DNAH17: variants seen among roughly 807,000 people sequenced by gnomAD.
DNAH17 encodes the protein dynein axonemal heavy chain 17.
Under a neutral mutation model 485.6 loss-of-function variants are expected in DNAH17, and 376 were observed. The ratio of observed to expected loss-of-function variants is 0.77; its 90% CI spans 0.71 to 0.84. DNAH17 has a LOEUF of 0.84. Ranked by LOEUF, DNAH17 falls within the 40% of genes least tolerant of loss-of-function variation. DNAH17 has a pLI of 0.00. For synonymous variants in DNAH17, 3,031 were observed against 2,405.9 expected (o/e 1.26, Z -7.60); for missense variants, 6,370 against 5,839.3 (o/e 1.09, Z -2.96).
intron 25 of DNAH17, among the ~76,000 whole-genome samples, chr17:78,517,682 C>T (rs1006513371): frequency 2.6e-5 from 4 of 152,220 alleles, no homozygotes; most frequent in Non-Finnish European, 4.4e-5. Context: ...ATTCCCATTT[C>T]CTCAGGGCTG....
intron 74 of DNAH17, among the ~76,000 whole-genome samples, chr17:78,435,930 A>AT (rs1366178608): frequency 6.6e-6 from 1 of 152,164 alleles, no homozygotes; most frequent in Non-Finnish European, 1.5e-5. Context: ...CGGGGGACCT[A>AT]TTTTAAACAT....
intron 54 of DNAH17, among the ~76,000 whole-genome samples, chr17:78,473,094 G>A (rs1009223762): frequency 6.6e-6 from 1 of 152,144 alleles, no homozygotes; most frequent in African/African-American, 2.4e-5. Flanking sequence ...AAACATATAT[G>A]TTACCCCCAT....
intron 36 of DNAH17, 200 bp from the exon 37 acceptor site, chr17:78,499,312 G>A (rs549495176): frequency 4.8e-6 from 2 of 413,108 alleles, no homozygotes; most frequent in Middle Eastern, 6.1e-4. Flanking sequence ...TGGACACGAG[G>A]AAGAGCCATC....
At chr17:78,499,456 G>GGAGT (rs2090194596) in intron 36 of DNAH17, 1 of 166,386 alleles carries the variant, frequency 6.0e-6, no homozygotes. Flanking sequence ...GAGAGGAGAG[G>GGAGT]GAGTCCTCTA....
chr17:78,468,626 T>C lies in DNAH17; in HGVS notation c.8769A>G (p.Arg2923=), dbSNP rs2088600040. The C allele has an allele frequency of 2.5e-6, 4 of 1,613,042 alleles. No homozygotes were observed. The highest frequency in any genetic ancestry group is 2.2e-5 in the South Asian group (2 of 90,894). The part of the protein sequence containing the change: ...CWKFFIEKVR[R]QLKVILCFSP... Reference sequence around the variant, plus strand: ...AAGACGGGAGCCCCACCTTGAGCTGTCTGCGCACTTTTTCGATGAAGAACT... The same window carrying C: ...AAGACGGGAGCCCCACCTTGAGCTGCCTGCGCACTTTTTCGATGAAGAACT... The change falls in exon 55 of 81, where the codon AGA becomes AGG. Residue 2923 remains arginine, a synonymous_variant. Coordinates refer to ENST00000389840, the MANE Select transcript of DNAH17 (RefSeq NM_173628.4).
rs201997246 is a variant in DNAH17, at chr17:78,507,470, G to A, written c.4572C>T (p.Asn1524=). ...PGDSQRFDDI[N]QEFKALMEDA... is the part of the protein sequence containing the mutation. ...GGGCTGTGCTCACCTTGAATTCCTG[G>A]TTGATGTCGTCAAAGCGCTGGGAGT... The change falls in exon 28 of 81, where the codon AAC becomes AAT. Residue 1524 remains asparagine (N), a synonymous_variant. Coordinates refer to ENST00000389840, the MANE Select transcript of DNAH17 (RefSeq NM_173628.4). 3 of 1,612,276 alleles carry A rather than the reference G, an allele frequency of 1.9e-6. No individual in the cohort carries two copies. In the South Asian group the frequency reaches 3.3e-5, roughly 18 times the overall value.
intron 26 of DNAH17, among the ~76,000 whole-genome samples, chr17:78,512,058 G>A (rs531808945): frequency 2.6e-5 from 4 of 152,318 alleles, no homozygotes; most frequent in South Asian, 2.1e-4. Flanking sequence ...GGACAGTGTG[G>A]TGGGGGCGGA....
At chr17:78,501,556 T>C in intron 34 of DNAH17, 186 bp downstream of exon 34, 1 of 992,278 alleles carries the variant, frequency 1.0e-6, no homozygotes, top group East Asian at 2.6e-5. Flanking sequence ...GCACCGCTCA[T>C]CTGACTGCTG....
intron 48 of DNAH17, among the ~76,000 whole-genome samples, chr17:78,484,009 T>G (rs942943262): frequency 7.3e-6 from 1 of 137,804 alleles, no homozygotes; most frequent in Admixed American, 8.2e-5. Context: ...GGAAGGAGAA[T>G]TCCTTGAACC....
intron 65 of DNAH17, among the ~76,000 whole-genome samples, chr17:78,452,097 C>T (rs1240497649): frequency 6.6e-6 from 1 of 151,850 alleles, no homozygotes; most frequent in Non-Finnish European, 1.5e-5. Context: ...CTGCTGTCCC[C>T]TCTTTGTAGC....
In DNAH17 at chr17:78,571,637, C is replaced by G. The variant is rs776938478; in HGVS notation, c.685G>C (p.Glu229Gln). 1.2e-6 allele frequency: 2 copies of G among 1,613,992 alleles called. No homozygotes were observed. Among genetic ancestry groups the G allele is most frequent in the Non-Finnish European group, 1.7e-6 (2 of 1,179,888 alleles). Residue 229 changes from glutamate (E) to glutamine (Q), a missense_variant, in exon 4 of 81, where the codon GAG (glutamate) becomes CAG (glutamine). Physicochemically the swap from Glu to Gln is conservative, Grantham distance 29. Transcript: ENST00000389840. ...TTCAGCAGCCGAGTGTCCCAGAACT[C>G]GAACTCCACTTGGGGCAGGGGGTGC... is the stretch of plus-strand genomic sequence containing the variant. ...GLHPLPQVEF[E>Q]FWDTRLLNLK...
rs1461081686 is a variant in DNAH17, at chr17:78,569,472, TC to T, written c.1099del (p.Glu367ArgfsTer4). On this transcript the variant is annotated frameshift_variant, in exon 8 of 81. Coordinates refer to ENST00000389840, the MANE Select transcript of DNAH17 (RefSeq NM_173628.4). LOFTEE classifies it high-confidence loss of function. ...CAGGGAGATGCCACTCAGGACTTCC[TC>T]GATTTCACCTTGCAGGCCCTTCAGC... ...EVLKGLQGEIEEVLSGISLAV... is the reference protein window; with the variant it reads ...EVLKGLQGEIXEVLSGISLAV... 1 of 1,611,510 alleles carries T rather than the reference TC, an allele frequency of 6.2e-7. No individual in the cohort carries two copies. The highest frequency in any genetic ancestry group is 1.7e-5 in the Admixed American group (1 of 59,634).
chr17:78,454,142 T>G (rs2087680362), intron 64 of DNAH17, among the ~76,000 whole-genome samples: 1 of 152,242 alleles, frequency 6.6e-6, no homozygotes, highest in South Asian at 2.1e-4. Flanking sequence ...TTCTCAACTG[T>G]GATGAGAATA....
At chr17:78,510,758 C>CCCCT (rs1555679578) in intron 26 of DNAH17, 17 of 394,434 alleles carry the variant, frequency 4.3e-5, no homozygotes, top group Non-Finnish European at 7.1e-5. Flanking sequence ...GCGGCCCCCC[C>CCCCT]GCAAAATTCA....
At chr17:78,488,197 G>A (rs2146658096) in intron 44 of DNAH17, among the ~76,000 whole-genome samples, 1 of 152,324 alleles carries the variant, frequency 6.6e-6, no homozygotes, top group East Asian at 1.9e-4. Flanking sequence ...CAGGCCCCAG[G>A]AGAGACACAT....
At chr17:78,438,149 G>A (rs1385402651) in intron 73 of DNAH17, among the ~76,000 whole-genome samples, 3 of 151,822 alleles carry the variant, frequency 2.0e-5, no homozygotes, top group African/African-American at 4.8e-5. Flanking sequence ...TGTCCTCCCT[G>A]GCATAAGGCT....
intron 14 of DNAH17, 51 bp downstream of exon 14, chr17:78,558,057 A>G: frequency 6.4e-7 from 1 of 1,554,958 alleles, no homozygotes; most frequent in East Asian, 2.3e-5. Context: ...TTGACAAAAA[A>G]CCAAAACAAT....
chr17:78,547,580 G>C (rs1298385507), intron 16 of DNAH17, among the ~76,000 whole-genome samples: 1 of 151,262 alleles, frequency 6.6e-6, no homozygotes, highest in African/African-American at 2.4e-5. Flanking sequence ...TCCCCAGCTT[G>C]AGAAAATTTT....
chr17:78,561,749 C>A lies in DNAH17; in HGVS notation c.1801G>T (p.Val601Leu). 6.2e-7 allele frequency: 1 copy of A among 1,612,264 alleles called. No individual in the cohort carries two copies. Among genetic ancestry groups the A allele is most frequent in the Non-Finnish European group, 8.5e-7 (1 of 1,179,224 alleles). The part of the protein sequence containing the change: ...WSLELQERLE[V>L]SMKHLKHVEH... ...ACGTGCTTCAGGTGTTTCATGGACA[C>A]CTCTAGCCTCTCCTGCAGCTCCAGG... is the stretch of plus-strand genomic sequence containing the variant. The change falls in exon 12 of 81, where the codon GTG becomes TTG. Residue 601 changes from valine to leucine, a missense_variant. Transcript: ENST00000389840.
Sources: gnomAD v4.1 joint callset for allele counts (sites outside exome capture counted in the v4.1 genomes callset) on GRCh38, gnomAD v4.1.1 for gene constraint, MANE v1.5 for transcripts, NCBI Gene and HGNC (gene_info 2026-07-23, HGNC 2026-07-21) for gene names.